Variants in HEATR5B observed in about 807,000 individuals in gnomAD.
The protein encoded by HEATR5B is HEAT repeat-containing protein 5B.
In HEATR5B, 156 loss-of-function variants were observed where a neutral mutation model predicts 224.1. The ratio of observed to expected loss-of-function variants is 0.70; its 90% CI spans 0.61 to 0.80. The LOEUF (loss-of-function observed/expected upper bound fraction) is 0.80. Ranked by LOEUF, HEATR5B falls within the 30% of genes least tolerant of loss-of-function variation. The pLI, the probability that HEATR5B is intolerant of heterozygous loss-of-function variation, is 0.00. For synonymous variants in HEATR5B, 1,027 were observed against 893.0 expected (o/e 1.15, Z -2.68); for missense variants, 2,323 against 2,535.5 (o/e 0.92, Z 1.80).
intron 6 of HEATR5B, among the ~76,000 whole-genome samples, chr2:37,070,844 G>C (rs1316104154): frequency 6.6e-6 from 1 of 152,192 alleles, no homozygotes; most frequent in East Asian, 1.9e-4. Flanking sequence ...ATTTTATGAA[G>C]TCCTTCCACA....
chr2:37,026,590 T>C (rs1668791677), intron 24 of HEATR5B, among the ~76,000 whole-genome samples: 1 of 152,210 alleles, frequency 6.6e-6, no homozygotes, highest in Admixed American at 6.5e-5. Context: ...GACTGAGAAG[T>C]CTGTCTCTCT....
chr2:37,054,539 C>A (rs1461639478), intron 16 of HEATR5B, among the ~76,000 whole-genome samples: 2 of 137,042 alleles, frequency 1.5e-5, no homozygotes, highest in Admixed American at 8.3e-5. Context: ...GGCTGGAGTG[C>A]AATGGTGCAA....
chr2:36,988,515 C>T lies in HEATR5B; in HGVS notation c.5911+131G>A, dbSNP rs1666100795. ...GACCTCGTGATCCACCCACCTTGGC[C>T]TCCCAGAGTGCTGGGACTCCCAAAG... On this transcript the variant is annotated intron_variant, in intron 35 of 35. Coordinates refer to ENST00000233099, the MANE Select transcript of HEATR5B (RefSeq NM_019024.3). The T allele has an allele frequency of 1.7e-5, 12 of 690,946 alleles. No homozygotes were observed. The East Asian group carries it at 3.3e-4, about 19-fold the overall frequency. 42.8% of individuals were successfully genotyped at this position (690,946 alleles called of 1,614,324 possible). A position where few individuals can be genotyped will look rare whatever the true frequency, so the allele number is the denominator to read the frequency against.
At position 36,988,648 on chromosome 2, in the gene HEATR5B, T is replaced by C. The variant is rs1470001095; in HGVS notation, c.5909A>G (p.Asn1970Ser). The C allele has an allele frequency of 6.2e-7, 1 of 1,607,726 alleles. No homozygotes were observed. Among genetic ancestry groups the C allele is most frequent in the Non-Finnish European group, 8.5e-7 (1 of 1,174,466 alleles). The change falls in exon 35 of 36, where the codon AAC (asparagine) becomes AGC (serine). Residue 1970 changes from asparagine (N) to serine (S), a missense_variant and splice_region_variant. Physicochemically the swap from Asn to Ser is conservative, Grantham distance 46. Around this residue, in one of 12 missense-constraint regions of HEATR5B, gnomAD observed 844 missense variants for 812.9 expected, o/e 1.04. Transcript: ENST00000233099. ...ETLVALGEEQ[N>S]RVQLLALLVP... is the part of the protein sequence containing the mutation. Reference sequence around the variant, plus strand: ...GCTTTTTATAAGAATATACTTACTGTTTTGTTCTTCACCAAGAGCAACCAG... The same window carrying C: ...GCTTTTTATAAGAATATACTTACTGCTTTGTTCTTCACCAAGAGCAACCAG...
At chr2:37,078,744 G>T (rs193150736) in intron 3 of HEATR5B, among the ~76,000 whole-genome samples, 24 of 152,214 alleles carry the variant, frequency 1.6e-4, no homozygotes, top group African/African-American at 5.5e-4. Context: ...CCCCTTGAAT[G>T]TTGACGTTCT....
intron 22 of HEATR5B, among the ~76,000 whole-genome samples, chr2:37,030,405 T>C (rs368555641): frequency 1.2e-4 from 18 of 152,348 alleles, no homozygotes; most frequent in African/African-American, 4.3e-4. Flanking sequence ...ATAGTATGAA[T>C]GTTAACGGCT....
intron 27 of HEATR5B, among the ~76,000 whole-genome samples, chr2:37,010,055 T>C (rs567076434): frequency 2.0e-5 from 3 of 152,286 alleles, no homozygotes. Context: ...CAAAAAGACA[T>C]AAAAGCAACT....
chr2:37,030,394 T>C (rs1423542736), intron 22 of HEATR5B, among the ~76,000 whole-genome samples: 3 of 152,224 alleles, frequency 2.0e-5, no homozygotes, highest in African/African-American at 7.2e-5. Context: ...ATTATACTTC[T>C]ATAGTATGAA....
At chr2:37,066,053 G>A in intron 8 of HEATR5B, 143 bp from the exon 9 acceptor site, 3 of 653,308 alleles carry the variant, frequency 4.6e-6, no homozygotes, top group African/African-American at 3.7e-5. Context: ...TAGAAAACTT[G>A]TAGAACTAAA....
chr2:37,052,710 G>T (rs1049183998), intron 17 of HEATR5B, among the ~76,000 whole-genome samples: 1 of 152,208 alleles, frequency 6.6e-6, no homozygotes, highest in Non-Finnish European at 1.5e-5. Flanking sequence ...GAACATAGGT[G>T]CTGCCACACT....
At chr2:37,036,675 C>CG (rs1257340068) in intron 21 of HEATR5B, among the ~76,000 whole-genome samples, 3 of 152,038 alleles carry the variant, frequency 2.0e-5, no homozygotes, top group Non-Finnish European at 4.4e-5. Context: ...CCACCCCTGA[C>CG]TAATTTTTGT....
chr2:37,038,087 C>G, intron 20 of HEATR5B, 63 bp from the exon 21 acceptor site: 4 of 1,105,444 alleles, frequency 3.6e-6, no homozygotes, highest in Non-Finnish European at 4.9e-6. Flanking sequence ...AAAAATATTC[C>G]TAGTAAACAA....
Position 36,984,215 on chromosome 2 carries a change from A to AAAAAAAAAAATAT in HEATR5B, c.5912-2422_5912-2421insATATTTTTTTTTT. Among the ~76,000 whole-genome samples the AAAAAAAAAAATAT allele has an allele frequency of 4.2e-3, 324 of 77,534 alleles. 15 individuals are homozygous for AAAAAAAAAAATAT. The highest frequency in any genetic ancestry group is 0.018 in the African/African-American group (311 of 16,954). 50.9% of individuals were successfully genotyped at this position (77,534 alleles called of 152,430 possible). A position where few individuals can be genotyped will look rare whatever the true frequency, so the allele number is the denominator to read the frequency against. On this transcript the variant is annotated intron_variant, in intron 35 of 35. Coordinates refer to ENST00000233099, the MANE Select transcript of HEATR5B (RefSeq NM_019024.3). Reference sequence around the variant, plus strand: ...AACTCTGTCTCAAAAAAAAAAAAAAAATATATATATATATATATATATAAA... The same window carrying AAAAAAAAAAATAT: ...AACTCTGTCTCAAAAAAAAAAAAAAAAAAAAAAAAATATATATATATATATATATATATATAAA...
intron 27 of HEATR5B, among the ~76,000 whole-genome samples, chr2:37,012,993 G>GT (rs1667882920): frequency 6.6e-6 from 1 of 152,194 alleles, no homozygotes; most frequent in Non-Finnish European, 1.5e-5. Context: ...CTCAGCAAAC[G>GT]TAATATATCT....
chr2:37,034,847 C>G (rs969272744), intron 21 of HEATR5B, among the ~76,000 whole-genome samples: 3 of 151,978 alleles, frequency 2.0e-5, no homozygotes, highest in Non-Finnish European at 4.4e-5. Context: ...TGTGAGCCAC[C>G]GCACCCAGCC....
intron 10 of HEATR5B, among the ~76,000 whole-genome samples, chr2:37,063,900 C>T (rs1386064654): frequency 6.6e-6 from 1 of 152,208 alleles, no homozygotes; most frequent in Non-Finnish European, 1.5e-5. Flanking sequence ...CAACCTCCGC[C>T]TCCTGGGTTC....
In HEATR5B at chr2:37,068,675, T is replaced by C. The variant is rs1364763914; in HGVS notation, c.1177+6A>G. The C allele has an allele frequency of 6.2e-7, 1 of 1,613,730 alleles. No individual in the cohort carries two copies. Among genetic ancestry groups the C allele is most frequent in the East Asian group, 2.2e-5 (1 of 44,892 alleles). ...AATCAACACACATAATGATACTGAT[T>C]CTTACCTACGGCTTTCATTTGTTTT... On this transcript the variant is annotated splice_donor_region_variant and intron_variant, in intron 8 of 35. Transcript: ENST00000233099.
At chr2:37,002,197 A>C (rs748064361) in intron 32 of HEATR5B, 109 bp downstream of exon 32, 3 of 1,209,070 alleles carry the variant, frequency 2.5e-6, no homozygotes, top group Non-Finnish European at 3.5e-6. Context: ...CTTATTTTTC[A>C]CTTGAGATTT....
chr2:36,988,524 T>A, intron 35 of HEATR5B, 122 bp downstream of exon 35: 2 of 750,274 alleles, frequency 2.7e-6, no homozygotes, highest in Non-Finnish European at 4.3e-6. Context: ...CCTCCCAGAG[T>A]GCTGGGACTC....
Sources: gnomAD v4.1 joint callset for allele counts (sites outside exome capture counted in the v4.1 genomes callset) on GRCh38, gnomAD v4.1.1 for gene constraint, gnomAD v4.1.1 regional missense constraint, MANE v1.5 for transcripts, NCBI Gene and HGNC (gene_info 2026-07-23, HGNC 2026-07-21) for gene names.